C3orf20: variants seen among roughly 807,000 people sequenced by gnomAD.
The protein encoded by C3orf20 is family with sequence similarity 149 member C.
Under a neutral mutation model 88.3 loss-of-function variants are expected in C3orf20, and 76 were observed. That is an observed-to-expected ratio of 0.86 (90% CI 0.72 to 1.04). The LOEUF (loss-of-function observed/expected upper bound fraction) is 1.04. Among genes scored for constraint, C3orf20 ranks in the 50% least tolerant of loss-of-function variants. The pLI, the probability that C3orf20 is intolerant of heterozygous loss-of-function variation, is 0.00. For synonymous variants in C3orf20, 436 were observed against 437.4 expected, an observed-to-expected ratio of 1.00 and a Z score of 0.04; for missense variants, 1,056 against 1,123.3, an observed-to-expected ratio of 0.94 and a Z score of 0.86.
At chr3:14,732,708 C>T (rs1008416892) in intron 12 of C3orf20, among the ~76,000 whole-genome samples, 1 of 152,194 alleles carries the variant, frequency 6.6e-6, no homozygotes, top group South Asian at 2.1e-4. Context: ...CACAAAACAG[C>T]TCCACATTAC....
At chr3:14,762,689 G>A (rs2035595946) in intron 15 of C3orf20, among the ~76,000 whole-genome samples, 3 of 152,192 alleles carry the variant, frequency 2.0e-5, no homozygotes, top group Admixed American at 2.0e-4. Flanking sequence ...CAAATGATGG[G>A]GCATGTGGAA....
intron 7 of C3orf20, among the ~76,000 whole-genome samples, chr3:14,706,752 T>G (rs750318513): frequency 7.9e-5 from 12 of 151,928 alleles, no homozygotes; most frequent in Non-Finnish European, 1.5e-4. Context: ...GATTATAAGA[T>G]GAGGAAGTTG....
chr3:14,748,160 T>TTATTCAGATTA (rs2035112740), intron 12 of C3orf20, among the ~76,000 whole-genome samples: 2 of 152,098 alleles, frequency 1.3e-5, no homozygotes, highest in Non-Finnish European at 2.9e-5. Flanking sequence ...TGTTAGAGGC[T>TTATTCAGATTA]TATTCAGATT....
intron 1 of C3orf20, among the ~76,000 whole-genome samples, chr3:14,679,501 TCAGGAGC>T (rs1434603046): frequency 3.3e-5 from 5 of 152,204 alleles, no homozygotes; most frequent in African/African-American, 1.2e-4. Flanking sequence ...CACAATGTCA[TCAGGAGC>T]CCGGGCTCTG....
Position 14,772,323 on chromosome 3 carries a change from C to A in C3orf20, c.2630+122C>A. On this transcript the variant is annotated intron_variant, in intron 16 of 16. Coordinates refer to ENST00000253697, the MANE Select transcript of C3orf20 (RefSeq NM_032137.5). This position sits in a 1 kb window ranked among gnomAD's most constrained non-coding sequence, Gnocchi z 4.2. ...CTGGGTCATGTCCAACCATCGCTGA[C>A]ATCTAGCCCATGTAATCAACACAAT... 1 of 1,163,776 alleles carries A rather than the reference C, an allele frequency of 8.6e-7. No individual in the cohort carries two copies. The highest frequency in any genetic ancestry group is 1.2e-6 in the Non-Finnish European group (1 of 809,352). 72.1% of individuals were successfully genotyped at this position (1,163,776 alleles called of 1,614,324 possible).
chr3:14,753,876 A>G (rs1275176889), intron 12 of C3orf20, among the ~76,000 whole-genome samples: 1 of 152,236 alleles, frequency 6.6e-6, no homozygotes, highest in Non-Finnish European at 1.5e-5. Context: ...AAACAAAAAC[A>G]AAAACAAAAA....
rs1427283648 is a variant in C3orf20 at position 14,704,432 on chromosome 3, C to T, written c.974C>T (p.Ala325Val). Residue 325 changes from alanine to valine, a missense_variant, in exon 7 of 17, where the codon GCC (alanine) becomes GTC (valine). Transcript: ENST00000253697. Reference sequence around the variant, plus strand: ...AAGATGCCCTCTCATCTAATGTTGGCCCGCAAAGGAGACTCTCAGACCCCG... The same window carrying T: ...AAGATGCCCTCTCATCTAATGTTGGTCCGCAAAGGAGACTCTCAGACCCCG... Reference protein sequence around the residue: ...KAKMPSHLMLARKGDSQTPGL... With the variant: ...KAKMPSHLMLVRKGDSQTPGL... 1 of 1,614,146 alleles carries T rather than the reference C, an allele frequency of 6.2e-7. No homozygotes were observed. The highest frequency in any genetic ancestry group is 8.5e-7 in the Non-Finnish European group (1 of 1,180,032).
rs1310690831 is a variant in C3orf20, at chr3:14,701,555, A to AAAATTAGTATCACAGG, written c.746-1574_746-1559dup. 6.6e-6 allele frequency among the ~76,000 whole-genome samples: 1 copy of AAAATTAGTATCACAGG among 152,156 alleles called. No individual in the cohort carries two copies. The highest frequency in any genetic ancestry group is 2.4e-5 in the African/African-American group (1 of 41,424). ...ACACCTATCATGGAGGACAGCTGTGAAAATTAGTATCACAGGCACAGATCG... is the reference window on the plus strand; with the variant it reads ...ACACCTATCATGGAGGACAGCTGTGAAAATTAGTATCACAGGAAATTAGTATCACAGGCACAGATCG... On this transcript the variant is annotated intron_variant, in intron 5 of 16. Coordinates refer to ENST00000253697, the MANE Select transcript of C3orf20 (RefSeq NM_032137.5). The surrounding 1 kb of genome is among the most constrained non-coding windows in gnomAD (Gnocchi z 4.6).
rs772001632 is a variant in C3orf20 at position 14,714,082 on chromosome 3, T to G, written c.1236T>G (p.Asn412Lys). The change falls in exon 8 of 17, where the codon AAT becomes AAG. Residue 412 changes from asparagine (N) to lysine (K), a missense_variant. Physicochemically the swap from Asn to Lys is moderately conservative, Grantham distance 94. Transcript: ENST00000253697. ...GGAGAACCATCACCTGCCTCTTTAA[T>G]GACATACCTGGATTCTCCTTGCTGG... ...CRGRTITCLF[N>K]DIPGFSLLAL... 8 of 1,614,018 alleles carry G rather than the reference T, an allele frequency of 5.0e-6. No individual in the cohort carries two copies. Among genetic ancestry groups the G allele is most frequent in the Non-Finnish European group, 6.8e-6 (8 of 1,180,026 alleles).
At chr3:14,750,175 A>G (rs905193974) in intron 12 of C3orf20, among the ~76,000 whole-genome samples, 6 of 152,198 alleles carry the variant, frequency 3.9e-5, no homozygotes, top group African/African-American at 1.4e-4. Context: ...CCTACCAGGA[A>G]CAAACTCCCT....
At chr3:14,739,149 A>T (rs1003839705) in intron 12 of C3orf20, among the ~76,000 whole-genome samples, 1 of 152,148 alleles carries the variant, frequency 6.6e-6, no homozygotes, top group Non-Finnish European at 1.5e-5. Context: ...TTTTCAATTT[A>T]CTTTGCCCAG....
intron 12 of C3orf20, among the ~76,000 whole-genome samples, chr3:14,735,681 C>T (rs2034684317): frequency 6.6e-6 from 1 of 151,960 alleles, no homozygotes; most frequent in Non-Finnish European, 1.5e-5. Flanking sequence ...GCAACCTCCA[C>T]CTCCTGGGTT....
chr3:14,718,991 A>C (rs375134856), intron 9 of C3orf20, among the ~76,000 whole-genome samples: 3 of 152,146 alleles, frequency 2.0e-5, no homozygotes, highest in Admixed American at 1.3e-4. Flanking sequence ...AAGATGGTGG[A>C]GTTTGGCCAT....
chr3:14,740,421 A>G (rs1373115657), intron 12 of C3orf20, among the ~76,000 whole-genome samples: 1 of 152,210 alleles, frequency 6.6e-6, no homozygotes, highest in African/African-American at 2.4e-5. Flanking sequence ...AACAATTACA[A>G]TAGTAACATC....
At position 14,734,803 on chromosome 3, in the gene C3orf20, C is replaced by T. The variant is rs528523389; in HGVS notation, c.1940+6115C>T. Among the ~76,000 whole-genome samples, 4 of 152,076 alleles carry T rather than the reference C, an allele frequency of 2.6e-5. No individual in the cohort carries two copies. The East Asian group carries it at 7.7e-4, about 29-fold the overall frequency. On this transcript the variant is annotated intron_variant, in intron 12 of 16. Transcript: ENST00000253697. ...CTGATAGAAGTGTGTTAATATCTCC[C>T]ACGATAATTTTGGAGCTCTCTATTT...
At chr3:14,727,917 T>C (rs2034411283) in intron 11 of C3orf20, among the ~76,000 whole-genome samples, 1 of 152,210 alleles carries the variant, frequency 6.6e-6, no homozygotes, top group Non-Finnish European at 1.5e-5. Context: ...GGGGTGCCTC[T>C]GCATGCTCAG....
intron 12 of C3orf20, among the ~76,000 whole-genome samples, chr3:14,735,578 C>A (rs1387440425): frequency 6.6e-6 from 1 of 151,858 alleles, no homozygotes; most frequent in African/African-American, 2.4e-5. Flanking sequence ...ATAAACTATC[C>A]CATGAGACAC....
At chr3:14,737,770 C>T (rs2034765426) in intron 12 of C3orf20, among the ~76,000 whole-genome samples, 1 of 152,188 alleles carries the variant, frequency 6.6e-6, no homozygotes, top group Admixed American at 6.5e-5. Context: ...GAATTTTGCC[C>T]ATGGAACTTT....
chr3:14,681,625 C>T (rs2032096297), intron 1 of C3orf20, among the ~76,000 whole-genome samples: 1 of 152,216 alleles, frequency 6.6e-6, no homozygotes, highest in South Asian at 2.1e-4. Flanking sequence ...CGGAGGCTCA[C>T]ACTCTCATAA....
Sources: gnomAD v4.1 joint callset for allele counts (sites outside exome capture counted in the v4.1 genomes callset) on GRCh38, gnomAD v4.1.1 for gene constraint, Gnocchi (gnomAD v3.1) non-coding constraint, MANE v1.5 for transcripts, NCBI Gene and HGNC (gene_info 2026-07-23, HGNC 2026-07-21) for gene names.